Variants in SOX5 observed in about 807,000 individuals in gnomAD.
The protein encoded by SOX5 is transcription factor SOX-5.
In SOX5, 9 loss-of-function variants were observed where a neutral mutation model predicts 92.0. The observed-to-expected ratio is 0.10, with a 90% CI of 0.06 to 0.17. SOX5 has a LOEUF of 0.17. SOX5 is among the 10% of genes least tolerant of loss of function. The pLI, the probability that SOX5 is intolerant of heterozygous loss-of-function variation, is 1.00. For missense variants in SOX5, 642 were observed against 944.5 expected (o/e 0.68, Z 4.20); for synonymous variants, 344 against 336.3 (o/e 1.02, Z -0.25).
chr12:24,532,326 A>C (rs887597907), intron 1 of SOX5, among the ~76,000 whole-genome samples: 2 of 152,198 alleles, frequency 1.3e-5, no homozygotes, highest in Non-Finnish European at 2.9e-5. Flanking sequence ...AAACCAACTG[A>C]TTTGAAGCTA....
intron 2 of SOX5, among the ~76,000 whole-genome samples, chr12:24,303,098 G>A (rs1948169371): frequency 1.3e-5 from 2 of 152,066 alleles, no homozygotes; most frequent in African/African-American, 4.8e-5. Flanking sequence ...TATACCATTA[G>A]AGAAAGGCCA....
intron 4 of SOX5, among the ~76,000 whole-genome samples, chr12:23,745,337 A>G (rs919149585): frequency 1.3e-5 from 2 of 152,122 alleles, no homozygotes; most frequent in Non-Finnish European, 2.9e-5. Flanking sequence ...CCTGTCATCA[A>G]TTGATCTCTG....
At chr12:23,568,839 C>CT (rs1947621259) in intron 10 of SOX5, among the ~76,000 whole-genome samples, 1 of 151,348 alleles carries the variant, frequency 6.6e-6, no homozygotes, top group South Asian at 2.1e-4. Flanking sequence ...TAGGCTTACA[C>CT]TCTTTGAATT....
At chr12:23,794,614 C>G (rs145423081) in intron 3 of SOX5, among the ~76,000 whole-genome samples, 3 of 152,018 alleles carry the variant, frequency 2.0e-5, no homozygotes, top group Non-Finnish European at 2.9e-5. Context: ...AAAACAAAAA[C>G]GCAATGTTTA....
At chr12:23,550,891 T>C (rs192301839) in intron 11 of SOX5, among the ~76,000 whole-genome samples, 41 of 152,058 alleles carry the variant, frequency 2.7e-4, no homozygotes, top group Admixed American at 1.2e-3. Flanking sequence ...AAACTGTACT[T>C]TAGAGGTAGA....
rs531036476 is a variant in SOX5, at chr12:23,646,091, C to G, written c.932-5194G>C. Among the ~76,000 whole-genome samples the G allele has an allele frequency of 3.3e-5, 5 of 152,300 alleles. No homozygotes were observed. The South Asian group carries it at 1.0e-3, about 32-fold the overall frequency. ...TGTAATCTTTTTGCTGCTTAAAGGT[C>G]TTGCCTTGATGTTGATGGCTGCTGA... On this transcript the variant is annotated intron_variant, in intron 7 of 14. Transcript: ENST00000451604.
At chr12:23,555,271 C>T (rs571369517) in intron 11 of SOX5, among the ~76,000 whole-genome samples, 2 of 152,152 alleles carry the variant, frequency 1.3e-5, no homozygotes, top group Admixed American at 6.5e-5. Context: ...AGCATATCCT[C>T]GAATCCCTAA....
At chr12:23,540,113 G>A (rs917044606) in intron 13 of SOX5, among the ~76,000 whole-genome samples, 17 of 150,914 alleles carry the variant, frequency 1.1e-4, no homozygotes, top group African/African-American at 3.9e-4. Context: ...AAAAAAGAGA[G>A]AAAAAATATC....
intron 4 of SOX5, among the ~76,000 whole-genome samples, chr12:23,985,162 CATT>C: frequency 6.6e-6 from 1 of 152,136 alleles, no homozygotes; most frequent in Non-Finnish European, 1.5e-5. Flanking sequence ...TGCTGCCTAA[CATT>C]ATAAAAATGG....
At chr12:24,297,856 C>T (rs765656846) in intron 2 of SOX5, among the ~76,000 whole-genome samples, 4 of 152,178 alleles carry the variant, frequency 2.6e-5, no homozygotes, top group Non-Finnish European at 5.9e-5. Flanking sequence ...AGCCAGCATC[C>T]AACATCAATG....
chr12:23,727,925 T>C (rs2093223909), intron 6 of SOX5, among the ~76,000 whole-genome samples: 1 of 152,110 alleles, frequency 6.6e-6, no homozygotes, highest in Non-Finnish European at 1.5e-5. Flanking sequence ...TATACACCTG[T>C]CAATCCGTAT....
At chr12:24,240,889 C>T (rs926358714) in intron 3 of SOX5, among the ~76,000 whole-genome samples, 1 of 152,122 alleles carries the variant, frequency 6.6e-6, no homozygotes, top group Non-Finnish European at 1.5e-5. Flanking sequence ...TATTAGTGTA[C>T]AGATTTTTCT....
intron 4 of SOX5, among the ~76,000 whole-genome samples, chr12:23,957,559 A>C (rs1211713226): frequency 6.6e-6 from 1 of 152,212 alleles, no homozygotes; most frequent in Non-Finnish European, 1.5e-5. Context: ...TTCAAAAGCA[A>C]ACTAAAAAGT....
At chr12:24,465,550 G>C (rs1426155180) in intron 1 of SOX5, among the ~76,000 whole-genome samples, 1 of 152,154 alleles carries the variant, frequency 6.6e-6, no homozygotes, top group Non-Finnish European at 1.5e-5. Flanking sequence ...TGAAGTCAGA[G>C]GGGGAGTGGT....
At chr12:24,532,539 G>A (rs1242482465) in intron 1 of SOX5, among the ~76,000 whole-genome samples, 2 of 152,174 alleles carry the variant, frequency 1.3e-5, no homozygotes, top group African/African-American at 4.8e-5. Context: ...TCCCTGAAAG[G>A]GGGAGACAAG....
intron 1 of SOX5, among the ~76,000 whole-genome samples, chr12:24,561,768 CA>C (rs1954373676): frequency 7.9e-6 from 1 of 126,394 alleles, no homozygotes; most frequent in African/African-American, 3.3e-5. Context: ...GAAAGCGAAA[CA>C]AAAAGACGAA....
At chr12:23,550,451 ATAT>A (rs1357299401) in intron 11 of SOX5, among the ~76,000 whole-genome samples, 1 of 151,970 alleles carries the variant, frequency 6.6e-6, no homozygotes, top group Non-Finnish European at 1.5e-5. Flanking sequence ...TATACTTTTA[ATAT>A]TATTTTTAAA....
At chr12:24,417,388 T>G (rs759680755) in intron 1 of SOX5, among the ~76,000 whole-genome samples, 8 of 152,232 alleles carry the variant, frequency 5.3e-5, no homozygotes, top group Middle Eastern at 3.2e-3. Flanking sequence ...ACTGGGCATA[T>G]AGCAAGTGCT....
intron 4 of SOX5, among the ~76,000 whole-genome samples, chr12:24,162,782 T>C (rs1198345421): frequency 6.6e-6 from 1 of 152,104 alleles, no homozygotes; most frequent in Non-Finnish European, 1.5e-5. Flanking sequence ...CTGTGGAATC[T>C]TTAACAACAA....
Sources: gnomAD v4.1 joint callset for allele counts (sites outside exome capture counted in the v4.1 genomes callset) on GRCh38, gnomAD v4.1.1 for gene constraint, MANE v1.5 for transcripts, NCBI Gene and HGNC (gene_info 2026-07-23, HGNC 2026-07-21) for gene names.